The following BRWD1 variants were observed in gnomAD, a reference collection of about 807,000 sequenced individuals.
BRWD1 encodes bromodomain and WD repeat-containing protein 1.
A neutral mutation model predicts 251.2 loss-of-function variants in BRWD1; 82 were observed. The observed-to-expected ratio is 0.33, with a 90% CI of 0.27 to 0.39. The LOEUF (loss-of-function observed/expected upper bound fraction) is 0.39, where lower values mean the gene tolerates loss of function less well. Among genes scored for constraint, BRWD1 ranks in the 10% least tolerant of loss-of-function variants. The pLI, the probability that BRWD1 is intolerant of heterozygous loss-of-function variation, is 1.00. For synonymous variants in BRWD1, 918 were observed against 902.8 expected (o/e 1.02, Z -0.30); for missense variants, 2,233 against 2,711.6 (o/e 0.82, Z 3.92).
rs184717495 is a variant in BRWD1 at position 39,246,169 on chromosome 21, A to G, written c.2481+1532T>C. 8.1e-3 allele frequency among the ~76,000 whole-genome samples: 1,236 copies of G among 152,312 alleles called. 16 individuals are homozygous for G. The highest frequency in any genetic ancestry group is 0.029 in the African/African-American group (1,203 of 41,568). The stretch of plus-strand genomic sequence containing the variant: ...CAAGTAATATATCTACAAGTCATAA[A>G]GGACTGTATCCAGAACATATAAAGA... On this transcript the variant is annotated intron_variant, in intron 21 of 40. Transcript: ENST00000342449.
intron 8 of BRWD1, among the ~76,000 whole-genome samples, chr21:39,286,016 C>CTTTTTTTTTTTTTTTTTT (rs57151774): frequency 1.9e-5 from 2 of 104,806 alleles, no homozygotes; most frequent in African/African-American, 3.9e-5. Flanking sequence ...ACCATATGAA[C>CTTTTTTTTTTTTTTTTTT]TTTTTTTTTT....
intron 27 of BRWD1, among the ~76,000 whole-genome samples, chr21:39,225,570 G>A (rs1489377871): frequency 6.6e-6 from 1 of 152,144 alleles, no homozygotes; most frequent in African/African-American, 2.4e-5. Flanking sequence ...CAGCACTGAT[G>A]ATTCTTCGGG....
intron 15 of BRWD1, among the ~76,000 whole-genome samples, chr21:39,266,313 A>T (rs2034921510): frequency 6.6e-6 from 1 of 152,102 alleles, no homozygotes; most frequent in African/African-American, 2.4e-5. Context: ...TATATATATT[A>T]TATATTTTTT....
At chr21:39,279,638 CAAAA>C (rs77282416) in intron 9 of BRWD1, among the ~76,000 whole-genome samples, 1 of 66,924 alleles carries the variant, frequency 1.5e-5, no homozygotes, top group Non-Finnish European at 2.5e-5. Context: ...GACTCCATCT[CAAAA>C]AAAAAAAAAA....
intron 20 of BRWD1, among the ~76,000 whole-genome samples, chr21:39,249,956 G>GTGTGTA (rs1352716629): frequency 2.8e-5 from 4 of 143,602 alleles, no homozygotes; most frequent in African/African-American, 1.0e-4. Flanking sequence ...GTGTGTGTGT[G>GTGTGTA]TATACACACA....
chr21:39,248,548 G>C (rs1015720930), intron 20 of BRWD1, among the ~76,000 whole-genome samples: 1 of 150,886 alleles, frequency 6.6e-6, no homozygotes, highest in East Asian at 2.0e-4. Flanking sequence ...TGAGGGGGGA[G>C]GATCACTCAA....
chr21:39,217,054 TATATA>T (rs2032958086), intron 31 of BRWD1: 1 of 17,592 alleles, frequency 5.7e-5, no homozygotes, highest in East Asian at 1.5e-3. Flanking sequence ...TATATATTTA[TATATA>T]TATATATATA....
intron 25 of BRWD1, among the ~76,000 whole-genome samples, 190 bp downstream of exon 25, chr21:39,231,987 C>T (rs1415101654): frequency 6.6e-6 from 1 of 152,154 alleles, no homozygotes; most frequent in Non-Finnish European, 1.5e-5. Flanking sequence ...CAATCAGCAA[C>T]ATACAAATTT....
Position 39,196,077 on chromosome 21 carries a change from T to G in BRWD1, c.*182A>C. 1.5e-6 allele frequency: 2 copies of G among 1,364,010 alleles called. No homozygotes were observed. Among genetic ancestry groups the G allele is most frequent in the Non-Finnish European group, 1.9e-6 (2 of 1,063,408 alleles). The allele number at this position is 1,364,010 out of a possible 1,614,324, so 84.5% of individuals were successfully genotyped here. ...ATATTTTGGCACCTGTGCTGAATGC[T>G]GCTACAAAGACCAGCAAGTGCAAAT... On this transcript the variant is annotated 3_prime_UTR_variant, in exon 41 of 41. Coordinates refer to ENST00000342449, the MANE Select transcript of BRWD1 (RefSeq NM_033656.4).
At position 39,199,468 on chromosome 21, in the gene BRWD1, A is replaced by T. The variant is rs749703242; in HGVS notation, c.4948T>A (p.Ser1650Thr). 6.2e-7 allele frequency: 1 copy of T among 1,614,104 alleles called. No homozygotes were observed. The highest frequency in any genetic ancestry group is 1.3e-5 in the African/African-American group (1 of 74,938). Residue 1650 changes from serine to threonine, a missense_variant, in exon 40 of 41, where the codon TCT becomes ACT. Coordinates refer to ENST00000342449, the MANE Select transcript of BRWD1 (RefSeq NM_033656.4). ...CCAGAACAGACACTTTCAGAGCTAG[A>T]ATTCTCTTCTACATCACTCATTAGC... is the stretch of plus-strand genomic sequence containing the variant. ...IKLMSDVEEN[S>T]SSESVCSGRK...
chr21:39,258,533 A>G lies in BRWD1; in HGVS notation c.2025T>C (p.Asp675=), dbSNP rs749043758. 6 of 1,612,616 alleles carry G rather than the reference A, an allele frequency of 3.7e-6. No homozygotes were observed. Among genetic ancestry groups the G allele is most frequent in the Non-Finnish European group, 5.1e-6 (6 of 1,179,282 alleles). ...CATTTGAAAGTCCTCTTGGAATAGT[A>G]TCCTGATCTGCTCCCATTCTCTGAT... ...QQDQRMGADQ[D]TIPRGLSNGE... The change falls in exon 18 of 41, where the codon GAT becomes GAC. Residue 675 remains aspartate (D), a synonymous_variant. Coordinates refer to ENST00000342449, the MANE Select transcript of BRWD1 (RefSeq NM_033656.4).
At chr21:39,302,211 T>C (rs1028482503) in intron 4 of BRWD1, among the ~76,000 whole-genome samples, 1 of 151,734 alleles carries the variant, frequency 6.6e-6, no homozygotes, top group Non-Finnish European at 1.5e-5. Flanking sequence ...CTCGAACTCC[T>C]GACCTCAGGT....
chr21:39,199,137 G>C lies in BRWD1; in HGVS notation c.5279C>G (p.Ser1760Cys), dbSNP rs138058799. The C allele has an allele frequency of 6.2e-7, 1 of 1,614,000 alleles. No homozygotes were observed. Among genetic ancestry groups the C allele is most frequent in the Non-Finnish European group, 8.5e-7 (1 of 1,179,994 alleles). Residue 1760 changes from serine (S) to cysteine (C), a missense_variant, in exon 40 of 41, where the codon TCT becomes TGT. This residue lies in a region of BRWD1 where 928 missense variants were observed against 970.0 expected (regional missense o/e 0.96). Transcript: ENST00000342449. ...FLKIESSEED[S>C]KSHDSDHACN... The stretch of plus-strand genomic sequence containing the variant: ...TGCATGATCTGAATCATGACTTTTA[G>C]AGTCTTCCTCAGAAGACTCTATTTT...
chr21:39,264,747 A>G, intron 16 of BRWD1, 62 bp from the exon 17 acceptor site: 1 of 1,491,418 alleles, frequency 6.7e-7, no homozygotes, highest in South Asian at 1.2e-5. Flanking sequence ...GGAAACAAAT[A>G]TTAAACAGTT....
At position 39,193,529 on chromosome 21, in the gene BRWD1, A is replaced by G. The variant is rs1308817973; in HGVS notation, c.*2730T>C. 1 of 985,378 alleles carries G rather than the reference A, an allele frequency of 1.0e-6. No individual in the cohort carries two copies. The highest frequency in any genetic ancestry group is 1.7e-5 in the African/African-American group (1 of 57,228). 61.0% of individuals were successfully genotyped at this position (985,378 alleles called of 1,614,324 possible). On this transcript the variant is annotated 3_prime_UTR_variant, in exon 41 of 41. Transcript: ENST00000342449. ...GAGTCTTTCCAAGAAAGCAAAAATC[A>G]AATCTGAGTACTTCAAAGCCTGTAA...
intron 8 of BRWD1, among the ~76,000 whole-genome samples, chr21:39,285,013 AATTGC>A (rs2035588021): frequency 6.6e-6 from 1 of 152,332 alleles, no homozygotes; most frequent in East Asian, 1.9e-4. Flanking sequence ...TTGAAGAGAT[AATTGC>A]ACTCCCATGT....
At chr21:39,308,052 CT>C (rs1300608826) in intron 4 of BRWD1, among the ~76,000 whole-genome samples, 2 of 152,122 alleles carry the variant, frequency 1.3e-5, no homozygotes, top group African/African-American at 4.8e-5. Flanking sequence ...GTTTTGTAAA[CT>C]TTTTTTCTAC....
chr21:39,223,729 C>T (rs2146531435), intron 29 of BRWD1, among the ~76,000 whole-genome samples: 1 of 152,250 alleles, frequency 6.6e-6, no homozygotes. Context: ...CATAATAAGA[C>T]AACTTGAGGT....
At chr21:39,201,667 A>C (rs2032115479) in intron 38 of BRWD1, among the ~76,000 whole-genome samples, 1 of 152,190 alleles carries the variant, frequency 6.6e-6, no homozygotes, top group Non-Finnish European at 1.5e-5. Flanking sequence ...GTATCCCTTA[A>C]AACACTGTAC....
Sources: gnomAD v4.1 joint callset for allele counts (sites outside exome capture counted in the v4.1 genomes callset) on GRCh38, gnomAD v4.1.1 for gene constraint, gnomAD v4.1.1 regional missense constraint, MANE v1.5 for transcripts, NCBI Gene and HGNC (gene_info 2026-07-23, HGNC 2026-07-21) for gene names.